Variants in PRKN observed in about 807,000 individuals in gnomAD.
The protein encoded by PRKN is parkin RBR E3 ubiquitin protein ligase, also known as E3 ubiquitin-protein ligase parkin.
In PRKN, 56 loss-of-function variants were observed where a neutral mutation model predicts 59.5. That is an observed-to-expected ratio of 0.94 (90% CI 0.76 to 1.18). The LOEUF is 1.18. Among genes scored for constraint, PRKN ranks in the 50% most tolerant of loss-of-function variants. The pLI is 0.00. For synonymous variants in PRKN, 250 were observed against 222.1 expected (o/e 1.13, Z -1.12); for missense variants, 657 against 596.4 (o/e 1.10, Z -1.06).
chr6:162,010,246 T>G (rs141919449), intron 5 of PRKN, among the ~76,000 whole-genome samples: 1 of 119,392 alleles, frequency 8.4e-6, no homozygotes, highest in African/African-American at 3.0e-5. Context: ...ATATATTTAT[T>G]ATACATAATA....
intron 7 of PRKN, among the ~76,000 whole-genome samples, chr6:161,580,361 G>C (rs1781288352): frequency 6.6e-6 from 1 of 152,172 alleles, no homozygotes; most frequent in Non-Finnish European, 1.5e-5. Context: ...TTGAGCCTTG[G>C]TATGCGGCTC....
chr6:162,041,997 A>G (rs565708031), intron 5 of PRKN, among the ~76,000 whole-genome samples: 16 of 151,938 alleles, frequency 1.1e-4, no homozygotes, highest in Admixed American at 3.3e-4. Context: ...CTCAAGCTTC[A>G]CTCCCATGCA....
At chr6:161,689,555 A>G (rs533231679) in intron 7 of PRKN, among the ~76,000 whole-genome samples, 14 of 152,154 alleles carry the variant, frequency 9.2e-5, no homozygotes, top group Non-Finnish European at 1.8e-4. Flanking sequence ...CAGTGGGCGC[A>G]TCTTGCTTCC....
intron 7 of PRKN, among the ~76,000 whole-genome samples, chr6:161,780,540 A>C (rs1790159661): frequency 6.6e-6 from 1 of 152,232 alleles, no homozygotes; most frequent in African/African-American, 2.4e-5. Flanking sequence ...TGCTTGGCTA[A>C]AAGAATAATG....
chr6:162,183,654 C>G (rs1269622648), intron 4 of PRKN, among the ~76,000 whole-genome samples: 1 of 152,170 alleles, frequency 6.6e-6, no homozygotes, highest in Non-Finnish European at 1.5e-5. Context: ...AAACTAACAA[C>G]CTTGGTCCTA....
In PRKN at chr6:161,445,729, G is replaced by A. The variant is rs1789454277; in HGVS notation, c.1084-58852C>T. 6.6e-6 allele frequency among the ~76,000 whole-genome samples: 1 copy of A among 152,206 alleles called. No individual in the cohort carries two copies. Among genetic ancestry groups the A allele is most frequent in the African/African-American group, 2.4e-5 (1 of 41,464 alleles). Reference sequence around the variant, plus strand: ...TCTCCCTTCACGTGCGGGGCCAGGTGACTGCACAGAGTGATGAGCTGGGCC... The same window carrying A: ...TCTCCCTTCACGTGCGGGGCCAGGTAACTGCACAGAGTGATGAGCTGGGCC... On this transcript the variant is annotated intron_variant, in intron 9 of 11. Transcript: ENST00000366898. This position sits in a 1 kb window ranked among gnomAD's most constrained non-coding sequence, Gnocchi z 7.7.
chr6:162,267,107 T>C (rs1169353087), intron 2 of PRKN: 1 of 152,208 alleles, frequency 6.6e-6, no homozygotes, highest in Non-Finnish European at 1.5e-5. Flanking sequence ...AGATTTCAAA[T>C]CCAGATTTTC....
At chr6:161,956,102 T>A (rs1230106113) in intron 6 of PRKN, among the ~76,000 whole-genome samples, 1 of 152,226 alleles carries the variant, frequency 6.6e-6, no homozygotes, top group African/African-American at 2.4e-5. Context: ...TGTCCATATG[T>A]GATCAGCACT....
At chr6:162,076,503 C>A (rs1260827490) in intron 4 of PRKN, among the ~76,000 whole-genome samples, 1 of 152,016 alleles carries the variant, frequency 6.6e-6, no homozygotes, top group African/African-American at 2.4e-5. Flanking sequence ...ATCTTTCCCC[C>A]GATTGTGTTA....
chr6:162,406,733 G>A (rs1319251695), intron 2 of PRKN, among the ~76,000 whole-genome samples: 3 of 152,126 alleles, frequency 2.0e-5, no homozygotes, highest in African/African-American at 7.2e-5. Flanking sequence ...GAGGTAGGTA[G>A]CAAAGTCAGT....
rs543086456 is a variant in PRKN, at chr6:162,621,514, C to T, written c.7+106148G>A. Among the ~76,000 whole-genome samples the T allele has an allele frequency of 3.3e-5, 5 of 152,292 alleles. No homozygotes were observed. In the South Asian group the frequency reaches 1.0e-3, roughly 32 times the overall value. ...GAGTCAGTTCAGGTGGAAACAGCCA[C>T]ACTGCCCACATCAGAAGAATCAACC... On this transcript the variant is annotated intron_variant, in intron 1 of 11. Coordinates refer to ENST00000366898, the MANE Select transcript of PRKN (RefSeq NM_004562.3).
At chr6:161,767,542 A>G (rs917322675) in intron 7 of PRKN, among the ~76,000 whole-genome samples, 1 of 151,830 alleles carries the variant, frequency 6.6e-6, no homozygotes, top group African/African-American at 2.4e-5. Context: ...AAAACCAATC[A>G]GCATGGCAGA....
intron 2 of PRKN, among the ~76,000 whole-genome samples, chr6:162,281,661 G>A (rs922492153): frequency 3.9e-5 from 6 of 152,110 alleles, no homozygotes; most frequent in African/African-American, 1.4e-4. Context: ...TACCAATATG[G>A]TTTAAATAGA....
At chr6:161,798,058 G>A (rs534293984) in intron 6 of PRKN, among the ~76,000 whole-genome samples, 11 of 152,050 alleles carry the variant, frequency 7.2e-5, no homozygotes, top group South Asian at 2.1e-4. Context: ...AAAATTAATC[G>A]GGCGTGGTGG....
At chr6:162,153,718 G>A (rs758898593) in intron 4 of PRKN, among the ~76,000 whole-genome samples, 10 of 152,114 alleles carry the variant, frequency 6.6e-5, no homozygotes, top group Non-Finnish European at 1.5e-4. Context: ...GAAGGTCACT[G>A]TCCCCCGAAG....
Position 162,060,514 on chromosome 6 carries a change from G to A in PRKN, c.535-6340C>T, listed in dbSNP as rs530864445. Among the ~76,000 whole-genome samples, 5 of 152,314 alleles carry A rather than the reference G, an allele frequency of 3.3e-5. No homozygotes were observed. The South Asian group carries it at 6.2e-4, about 19-fold the overall frequency. On this transcript the variant is annotated intron_variant, in intron 4 of 11. Coordinates refer to ENST00000366898, the MANE Select transcript of PRKN (RefSeq NM_004562.3). Reference sequence around the variant, plus strand: ...AAAGCATTGATAAAATCTGTAACATGTGGGTTTTAAAATTTATTTTCAAAA... The same window carrying A: ...AAAGCATTGATAAAATCTGTAACATATGGGTTTTAAAATTTATTTTCAAAA...
At chr6:162,155,087 G>GA (rs1324175789) in intron 4 of PRKN, among the ~76,000 whole-genome samples, 5 of 119,696 alleles carry the variant, frequency 4.2e-5, no homozygotes, top group Admixed American at 1.0e-4. Flanking sequence ...ATCAAAGATG[G>GA]AAAAAAAATA....
At chr6:162,031,527 CTTTTCT>C (rs1232103862) in intron 5 of PRKN, among the ~76,000 whole-genome samples, 21 of 142,666 alleles carry the variant, frequency 1.5e-4, no homozygotes, top group Non-Finnish European at 7.5e-5. Context: ...TTTTCTTTTT[CTTTTCT>C]TTTTCTTTTT....
intron 6 of PRKN, among the ~76,000 whole-genome samples, chr6:161,812,183 T>C (rs1791591637): frequency 6.6e-6 from 1 of 151,946 alleles, no homozygotes. Context: ...TCCCAGGAGA[T>C]TGAGGCCAGC....
Sources: gnomAD v4.1 joint callset for allele counts (sites outside exome capture counted in the v4.1 genomes callset) on GRCh38, gnomAD v4.1.1 for gene constraint, Gnocchi (gnomAD v3.1) non-coding constraint, MANE v1.5 for transcripts, NCBI Gene and HGNC (gene_info 2026-07-23, HGNC 2026-07-21) for gene names.